The following KRI1 variants were observed in gnomAD, a reference collection of about 807,000 sequenced individuals.
KRI1 encodes the protein KRI1 homolog, also known as protein KRI1 homolog.
A neutral mutation model predicts 97.0 loss-of-function variants in KRI1; 83 were observed. The ratio of observed to expected loss-of-function variants is 0.86; its 90% CI spans 0.72 to 1.03. The LOEUF (loss-of-function observed/expected upper bound fraction) is 1.03. Ranked by LOEUF, KRI1 falls within the 50% of genes least tolerant of loss-of-function variation. The pLI is 0.00. For missense variants in KRI1, 916 were observed against 928.4 expected (o/e 0.99, Z 0.17); for synonymous variants, 371 against 363.5 (o/e 1.02, Z -0.23).
chr19:10,556,246 C>T lies in KRI1; in HGVS notation c.1618-897G>A, dbSNP rs537107650. On this transcript the variant is annotated intron_variant, in intron 16 of 18. Transcript: ENST00000312962. ...TATGTTGCTCAGGTTAGTCTCAGAA[C>T]TACTGGGCTCAAGTGATCCTCCTGC... Among the ~76,000 whole-genome samples, 328 of 152,304 alleles carry T rather than the reference C, an allele frequency of 2.2e-3. 3 individuals carry two copies. The highest frequency in any genetic ancestry group is 3.4e-3 in the Middle Eastern group (1 of 294).
intron 12 of KRI1, among the ~76,000 whole-genome samples, chr19:10,558,798 C>T (rs1276602958): frequency 3.3e-5 from 5 of 152,048 alleles, no homozygotes; most frequent in Admixed American, 6.6e-5. Context: ...CTCCACCTCC[C>T]GGGTTCAAGC....
In KRI1 at chr19:10,555,104, C is replaced by T; in HGVS notation, c.1764G>A (p.Lys588=). ...QNSWKKRQVF[K]SLCREEAETP... ...CTGCTTACTCTTCTCGGCAGAGTGA[C>T]TTGAAGACCTGCCGCTTTTTCCATG... The change falls in exon 18 of 19, where the codon AAG becomes AAA. Residue 588 remains lysine (K), a synonymous_variant. Transcript: ENST00000312962. 6.2e-7 allele frequency: 1 copy of T among 1,614,164 alleles called. No individual in the cohort carries two copies. Among genetic ancestry groups the T allele is most frequent in the South Asian group, 1.1e-5 (1 of 91,080 alleles).
intron 12 of KRI1, 22 bp downstream of exon 12, chr19:10,559,337 T>C (rs1426171473): frequency 6.2e-7 from 1 of 1,606,618 alleles, no homozygotes; most frequent in East Asian, 2.2e-5. Context: ...AGCGTCATGT[T>C]GGGCCGGGAT....
intron 14 of KRI1, 24 bp from the exon 15 acceptor site, chr19:10,557,919 C>T (rs749685408): frequency 9.9e-6 from 16 of 1,613,664 alleles, no homozygotes; most frequent in Non-Finnish European, 1.4e-5. Context: ...CAGGTCAGAT[C>T]CCACCAGCCC....
At chr19:10,560,019 T>C (rs1599534008) in intron 9 of KRI1, 83 bp from the exon 10 acceptor site, 2 of 1,507,552 alleles carry the variant, frequency 1.3e-6, no homozygotes, top group South Asian at 2.4e-5. Flanking sequence ...GTACGAAGCG[T>C]ATGAACTCAT....
At chr19:10,562,363 A>G (rs934333563) in intron 4 of KRI1, among the ~76,000 whole-genome samples, 3 of 143,650 alleles carry the variant, frequency 2.1e-5, no homozygotes, top group African/African-American at 7.9e-5. Context: ...TTTCTTTTTG[A>G]GACAGGGTCT....
At position 10,553,360 on chromosome 19, in the gene KRI1, C is replaced by G; in HGVS notation, c.*591G>C. ...CACTGGACGCCCGGGCCCTCCCTGT[C>G]CCAAAGCCCCCTTGGGGGAACTGTG... is the stretch of plus-strand genomic sequence containing the variant. On this transcript the variant is annotated 3_prime_UTR_variant, in exon 19 of 19. Coordinates refer to ENST00000312962, the MANE Select transcript of KRI1 (RefSeq NM_023008.5). 1 of 325,760 alleles carries G rather than the reference C, an allele frequency of 3.1e-6. No homozygotes were observed. Among genetic ancestry groups the G allele is most frequent in the Non-Finnish European group, 5.7e-6 (1 of 175,330 alleles). The allele number at this position is 325,760 out of a possible 1,614,324, so 20.2% of individuals were successfully genotyped here.
rs1198890556 is a variant in KRI1, at chr19:10,553,980, T to G, written c.2083A>C (p.Lys695Gln). ...HFRQLGRQRRKQQGPKNSS is the reference protein window; with the variant it reads ...HFRQLGRQRRQQQGPKNSS Reference sequence around the variant, plus strand: ...GAGCTGTTCTTGGGCCCCTGTTGTTTCCTCCGCTGCCGGCCCAGCTGGCGG... The same window carrying G: ...GAGCTGTTCTTGGGCCCCTGTTGTTGCCTCCGCTGCCGGCCCAGCTGGCGG... Residue 695 changes from lysine to glutamine, a missense_variant, in exon 19 of 19, where the codon AAA (lysine) becomes CAA (glutamine). Physicochemically the swap from Lys to Gln is moderately conservative, Grantham distance 53. Coordinates refer to ENST00000312962, the MANE Select transcript of KRI1 (RefSeq NM_023008.5). 6.2e-7 allele frequency: 1 copy of G among 1,610,668 alleles called. No homozygotes were observed. The highest frequency in any genetic ancestry group is 1.1e-5 in the South Asian group (1 of 90,730).
intron 4 of KRI1, 86 bp from the exon 5 acceptor site, chr19:10,561,931 C>T (rs941202903): frequency 3.2e-6 from 4 of 1,255,082 alleles, no homozygotes; most frequent in Non-Finnish European, 4.6e-6. Flanking sequence ...TTCCAAGCAA[C>T]AGCTGGCGGG....
chr19:10,563,129 C>G (rs1916749528), intron 3 of KRI1, among the ~76,000 whole-genome samples: 1 of 152,052 alleles, frequency 6.6e-6, no homozygotes, highest in Non-Finnish European at 1.5e-5. Flanking sequence ...GATCTCGGCT[C>G]ACTGCAACCT....
chr19:10,561,768 G>C (rs761532983), intron 5 of KRI1, 23 bp downstream of exon 5: 1 of 1,602,074 alleles, frequency 6.2e-7, no homozygotes, highest in Middle Eastern at 1.7e-4. Context: ...TCAGCCCCCC[G>C]ACCCAGCCTT....
chr19:10,565,036 T>C lies in KRI1; in HGVS notation c.169-2A>G. The C allele has an allele frequency of 1.9e-6, 3 of 1,597,918 alleles. No homozygotes were observed. Among genetic ancestry groups the C allele is most frequent in the Non-Finnish European group, 2.6e-6 (3 of 1,165,534 alleles). ...CCGCTCCTGCTGGGGATCAAATTCC[T>C]AGGGCAGGAAAAGGGTTGGGGATAG... On this transcript the variant is annotated splice_acceptor_variant, in intron 2 of 18. Transcript: ENST00000312962. LOFTEE classifies it high-confidence loss of function.
Position 10,560,467 on chromosome 19 carries a change from A to T in KRI1, c.664-19T>A. The T allele has an allele frequency of 6.3e-7, 1 of 1,581,014 alleles. No homozygotes were observed. The highest frequency in any genetic ancestry group is 8.6e-7 in the Non-Finnish European group (1 of 1,156,936). ...GATGCGTCTGGGGGTGACAGGAGAC[A>T]GGACTCTGGTCAATGGAGGACAGGG... On this transcript the variant is annotated intron_variant, in intron 8 of 18. Transcript: ENST00000312962.
chr19:10,561,198 G>A lies in KRI1; in HGVS notation c.556C>T (p.Gln186Ter), dbSNP rs1212788651. ...TCCTGCCTGGTTTTGGCACGTTTCT[G>A]CAGCAAACTGGAGCCGCCCTCCCCA... is the stretch of plus-strand genomic sequence containing the variant. ...GAGEGGSSLL[Q>*]KRAKTRQEKA... The change falls in exon 7 of 19, where the codon CAG becomes TAG. Residue 186 changes from glutamine to a stop codon, truncating the protein, a stop_gained. Transcript: ENST00000312962. LOFTEE classifies it high-confidence loss of function. 6.2e-7 allele frequency: 1 copy of A among 1,614,098 alleles called. No individual in the cohort carries two copies. Among genetic ancestry groups the A allele is most frequent in the Non-Finnish European group, 8.5e-7 (1 of 1,180,018 alleles).
intron 18 of KRI1, 25 bp downstream of exon 18, chr19:10,555,062 C>T (rs995168180): frequency 2.5e-6 from 4 of 1,595,112 alleles, no homozygotes; most frequent in Non-Finnish European, 3.4e-6. Flanking sequence ...TCCCCACCCA[C>T]GCTTCCCCAG....
Position 10,553,085 on chromosome 19 carries a change from A to G in KRI1, c.*866T>C. 1 of 1,585,878 alleles carries G rather than the reference A, an allele frequency of 6.3e-7. No individual in the cohort carries two copies. Among genetic ancestry groups the G allele is most frequent in the Non-Finnish European group, 8.6e-7 (1 of 1,167,868 alleles). On this transcript the variant is annotated 3_prime_UTR_variant, in exon 19 of 19. Coordinates refer to ENST00000312962, the MANE Select transcript of KRI1 (RefSeq NM_023008.5). Reference sequence around the variant, plus strand: ...TTTTATAAAGGGAGGGGATGAGGGGAAAGATACAACACTATTTATTTTTTT... The same window carrying G: ...TTTTATAAAGGGAGGGGATGAGGGGGAAGATACAACACTATTTATTTTTTT...
chr19:10,557,473 T>G, intron 16 of KRI1, 79 bp downstream of exon 16: 1 of 1,455,248 alleles, frequency 6.9e-7, no homozygotes, highest in Non-Finnish European at 9.4e-7. Context: ...CAACAGAGAT[T>G]GGGACTCAGG....
intron 2 of KRI1, 192 bp from the exon 3 acceptor site, chr19:10,565,226 C>T (rs922666580): frequency 1.6e-6 from 1 of 616,078 alleles, no homozygotes; most frequent in South Asian, 1.9e-5. Flanking sequence ...CAGGTAGGTA[C>T]AGGATATGGG....
chr19:10,565,528 A>G, intron 2 of KRI1, 189 bp downstream of exon 2: 1 of 692,354 alleles, frequency 1.4e-6, no homozygotes, highest in Non-Finnish European at 2.3e-6. Context: ...GGGAGAGAAA[A>G]TAACGGGGAT....
Sources: gnomAD v4.1 joint callset for allele counts (sites outside exome capture counted in the v4.1 genomes callset) on GRCh38, gnomAD v4.1.1 for gene constraint, MANE v1.5 for transcripts, NCBI Gene and HGNC (gene_info 2026-07-23, HGNC 2026-07-21) for gene names.